PDE8A: variants seen among roughly 807,000 people sequenced by gnomAD.
The protein encoded by PDE8A is high affinity cAMP-specific and IBMX-insensitive 3',5'-cyclic phosphodiesterase 8A.
A neutral mutation model predicts 105.0 loss-of-function variants in PDE8A; 59 were observed. The ratio of observed to expected loss-of-function variants is 0.56; its 90% CI spans 0.46 to 0.70. The LOEUF (loss-of-function observed/expected upper bound fraction) is 0.70. Among genes scored for constraint, PDE8A ranks in the 30% least tolerant of loss-of-function variants. The pLI is 0.00. For missense variants in PDE8A, 1,014 were observed against 1,045.9 expected (o/e 0.97, Z 0.42); for synonymous variants, 355 against 371.9 (o/e 0.95, Z 0.52).
At chr15:85,076,151 G>A (rs973071842) in intron 4 of PDE8A, among the ~76,000 whole-genome samples, 31 of 152,166 alleles carry the variant, frequency 2.0e-4, no homozygotes, top group African/African-American at 7.0e-4. Flanking sequence ...AGAAACAGGC[G>A]AACTATGAGA....
At chr15:85,037,802 G>A (rs2080731805) in intron 1 of PDE8A, among the ~76,000 whole-genome samples, 1 of 152,146 alleles carries the variant, frequency 6.6e-6, no homozygotes, top group African/African-American at 2.4e-5. Flanking sequence ...TATTCATTTA[G>A]ACAAAAAGAT....
At chr15:84,981,473 T>C (rs923403386), upstream of PDE8A, among the ~76,000 whole-genome samples, 2 of 152,150 alleles carry the variant, frequency 1.3e-5, no homozygotes, top group African/African-American at 4.8e-5. Flanking sequence ...CAGGCCCCGC[T>C]GGAGCCGAGC....
At chr15:85,005,737 G>C (rs1222627903) in intron 1 of PDE8A, among the ~76,000 whole-genome samples, 1 of 152,150 alleles carries the variant, frequency 6.6e-6, no homozygotes, top group East Asian at 1.9e-4. Flanking sequence ...GAATATGGAG[G>C]ACAGGAGAGT....
chr15:85,135,239 G>T (rs1335646010), intron 20 of PDE8A, among the ~76,000 whole-genome samples: 2 of 152,132 alleles, frequency 1.3e-5, no homozygotes, highest in Admixed American at 1.3e-4. Context: ...TAGAAGACAC[G>T]TCTTGTGAGT....
intron 1 of PDE8A, among the ~76,000 whole-genome samples, chr15:84,998,569 A>G (rs753991313): frequency 6.6e-6 from 1 of 152,204 alleles, no homozygotes; most frequent in African/African-American, 2.4e-5. Context: ...TTTGTAACCC[A>G]TGCATTTGGG....
intron 1 of PDE8A, 130 bp from the exon 2 acceptor site, chr15:85,064,240 C>G: frequency 1.6e-6 from 1 of 607,398 alleles, no homozygotes; most frequent in East Asian, 2.8e-5. Context: ...TTTCATTTAT[C>G]TACTATTTAC....
chr15:84,980,990 GA>G (rs1362460557), upstream of PDE8A, among the ~76,000 whole-genome samples: 1 of 152,200 alleles, frequency 6.6e-6, no homozygotes, highest in Non-Finnish European at 1.5e-5. Flanking sequence ...ACCCACCCGG[GA>G]CCCGGCGCGC....
intron 11 of PDE8A, 126 bp downstream of exon 11, chr15:85,100,324 T>C: frequency 1.3e-6 from 1 of 790,500 alleles, no homozygotes. Flanking sequence ...AACATTTCTC[T>C]CCTTGACTCC....
At chr15:85,001,701 C>T (rs2080070116) in intron 1 of PDE8A, among the ~76,000 whole-genome samples, 1 of 152,180 alleles carries the variant, frequency 6.6e-6, no homozygotes. Context: ...TGATGGTGCA[C>T]TGCTGAGTGT....
At chr15:85,121,045 C>A in intron 18 of PDE8A, 31 bp downstream of exon 18, 2 of 1,348,454 alleles carry the variant, frequency 1.5e-6, no homozygotes, top group Non-Finnish European at 2.1e-6. Context: ...GTGTGTTGAT[C>A]CCTCTCTTTC....
In PDE8A at chr15:85,089,330, T is replaced by C. The variant is rs371799625; in HGVS notation, c.636-8T>C. 130 of 1,466,962 alleles carry C rather than the reference T, an allele frequency of 8.9e-5. 1 individual carries two copies. In the East Asian group the frequency reaches 1.6e-3, roughly 18 times the overall value. The allele number at this position is 1,466,962 out of a possible 1,614,324, so 90.9% of individuals were successfully genotyped here. A position where few individuals can be genotyped will look rare whatever the true frequency, so the allele number is the denominator to read the frequency against. Reference sequence around the variant, plus strand: ...ATTAATCATTCCTTTTTTTGTTTACTCATAAAGGGCTTGTAACTCAGTATT... The same window carrying C: ...ATTAATCATTCCTTTTTTTGTTTACCCATAAAGGGCTTGTAACTCAGTATT... On this transcript the variant is annotated splice_polypyrimidine_tract_variant and splice_region_variant and intron_variant, in intron 6 of 21. Coordinates refer to ENST00000394553, the MANE Select transcript of PDE8A (RefSeq NM_002605.3).
chr15:85,106,564 A>G (rs1596525740), intron 11 of PDE8A, among the ~76,000 whole-genome samples: 2 of 152,310 alleles, frequency 1.3e-5, no homozygotes, highest in East Asian at 3.9e-4. Flanking sequence ...CTCATCATGA[A>G]GCTCAGAGGA....
chr15:85,055,179 G>A (rs1421509821), intron 1 of PDE8A, among the ~76,000 whole-genome samples: 5 of 152,208 alleles, frequency 3.3e-5, no homozygotes, highest in Non-Finnish European at 7.3e-5. Context: ...CTGAGAGACA[G>A]TTTGTTATAA....
intron 20 of PDE8A, among the ~76,000 whole-genome samples, chr15:85,132,898 C>G (rs2082349528): frequency 6.6e-6 from 1 of 151,982 alleles, no homozygotes; most frequent in East Asian, 1.9e-4. Context: ...CAGTTGTTTT[C>G]AAGTCTTTGT....
intron 1 of PDE8A, among the ~76,000 whole-genome samples, chr15:85,028,969 C>T (rs1034248638): frequency 6.6e-6 from 1 of 152,004 alleles, no homozygotes; most frequent in Non-Finnish European, 1.5e-5. Context: ...GGATTGATGG[C>T]AGCACAAAGT....
At chr15:85,052,153 C>T (rs1376499575) in intron 1 of PDE8A, among the ~76,000 whole-genome samples, 2 of 152,172 alleles carry the variant, frequency 1.3e-5, no homozygotes, top group African/African-American at 4.8e-5. Context: ...GACATGAACT[C>T]ATCCTTTTTT....
In PDE8A at chr15:84,985,355, T is replaced by C. The variant is rs2079785744; in HGVS notation, c.186+3007T>C. On this transcript the variant is annotated intron_variant, in intron 1 of 21. Transcript: ENST00000394553. Reference sequence around the variant, plus strand: ...TCTGTCTGTTTATTCCTTTCGGGAGTTTAAGTTTATGTGGTTACAGATAAT... The same window carrying C: ...TCTGTCTGTTTATTCCTTTCGGGAGCTTAAGTTTATGTGGTTACAGATAAT... Among the ~76,000 whole-genome samples, 3 of 152,136 alleles carry C rather than the reference T, an allele frequency of 2.0e-5. No homozygotes were observed. The South Asian group carries it at 6.2e-4, about 32-fold the overall frequency.
chr15:85,118,392 C>T (rs971252352), intron 17 of PDE8A, among the ~76,000 whole-genome samples: 2 of 152,150 alleles, frequency 1.3e-5, no homozygotes, highest in African/African-American at 4.8e-5. Context: ...CCTGTCACAC[C>T]TAAATGTTCT....
chr15:85,081,757 A>C (rs66539648), intron 5 of PDE8A, among the ~76,000 whole-genome samples: 13,491 of 152,128 alleles, frequency 0.089, 1,660 homozygotes, highest in African/African-American at 0.28. Context: ...TAGCAAAACA[A>C]AAGTTTTGAG....
Sources: allele counts gnomAD v4.1 joint callset (sites outside exome capture counted in the v4.1 genomes callset), GRCh38; gene constraint gnomAD v4.1.1; transcripts MANE v1.5; gene names NCBI Gene and HGNC (gene_info 2026-07-23, HGNC 2026-07-21).